The following CYLC2 variants were observed in gnomAD, a reference collection of about 807,000 sequenced individuals.
CYLC2 encodes the protein cylicin-2.
A neutral mutation model predicts 26.1 loss-of-function variants in CYLC2; 30 were observed. The ratio of observed to expected loss-of-function variants is 1.15; its 90% CI spans 0.86 to 1.56. The LOEUF is 1.56. CYLC2 is among the 40% of genes most tolerant of loss of function. CYLC2 has a pLI of 0.00. For missense variants in CYLC2, 498 were observed against 394.4 expected, an observed-to-expected ratio of 1.26 and a Z score of -2.23; for synonymous variants, 158 against 132.8, an observed-to-expected ratio of 1.19 and a Z score of -1.31.
rs1430657558 is a variant in CYLC2 at position 103,015,566 on chromosome 9, T to C, written c.*817-1322T>C. 2.8e-5 allele frequency among the ~76,000 whole-genome samples: 4 copies of C among 144,162 alleles called. No homozygotes were observed. The East Asian group carries it at 5.9e-4, about 21-fold the overall frequency. The allele number at this position is 144,162 out of a possible 152,430, so 94.6% of individuals were successfully genotyped here. On this transcript the variant is annotated intron_variant, in intron 6 of 7. Transcript: ENST00000374798. ...ATTATATATAAAATATATGTATATA[T>C]ACATAAAATAAATCTCCTTCAGCTA... is the stretch of plus-strand genomic sequence containing the variant.
At position 103,003,922 on chromosome 9, in the gene CYLC2, T is replaced by C. The variant is rs141523755; in HGVS notation, c.180+659T>C. 7.2e-4 allele frequency among the ~76,000 whole-genome samples: 110 copies of C among 152,244 alleles called. No individual in the cohort carries two copies. In the Middle Eastern group the frequency reaches 0.024, roughly 33 times the overall value. ...TTCTGGAGTCAACATGGGATAAGCA[T>C]ATGCTCAAAGAAAAGTTTTCACAAA... On this transcript the variant is annotated intron_variant, in intron 3 of 7. Transcript: ENST00000374798.
intron 5 of CYLC2, among the ~76,000 whole-genome samples, chr9:103,006,736 G>C (rs1034701581): frequency 6.6e-6 from 1 of 152,046 alleles, no homozygotes; most frequent in African/African-American, 2.4e-5. Flanking sequence ...TTTTAAGCCA[G>C]ATTGAATTAA....
At position 103,005,668 on chromosome 9, in the gene CYLC2, A is replaced by G; in HGVS notation, c.1037A>G (p.Lys346Arg). The G allele has an allele frequency of 6.2e-7, 1 of 1,606,892 alleles. No individual in the cohort carries two copies. The highest frequency in any genetic ancestry group is 8.5e-7 in the Non-Finnish European group (1 of 1,177,494). The change falls in exon 5 of 8, where the codon AAG becomes AGG. Residue 346 changes from lysine (K) to arginine (R), a missense_variant. Physicochemically the swap from Lys to Arg is conservative, Grantham distance 26. Transcript: ENST00000374798. ...KKDEKKDAKK[K>R]GK is the part of the protein sequence containing the mutation. ...GATGAAAAGAAGGATGCAAAGAAGAAGGGCAAGTAGGCCTTGGATAAGAAT... is the reference window on the plus strand; with the variant it reads ...GATGAAAAGAAGGATGCAAAGAAGAGGGGCAAGTAGGCCTTGGATAAGAAT...
In CYLC2 at chr9:103,005,414, G is replaced by T; in HGVS notation, c.783G>T (p.Lys261Asn). ...AAGGTGATGAATCGAAGGATGCCAA[G>T]AAAGATGCAAAGGAGATTAAAAAAG... ...ANKGDESKDAKKDAKEIKKGK... is the reference protein window; with the variant it reads ...ANKGDESKDANKDAKEIKKGK... Residue 261 changes from lysine to asparagine, a missense_variant, in exon 5 of 8, where the codon AAG becomes AAT. Lys to Asn is a moderately conservative substitution (Grantham distance 94). Coordinates refer to ENST00000374798, the MANE Select transcript of CYLC2 (RefSeq NM_001340.5). 6.2e-7 allele frequency: 1 copy of T among 1,613,794 alleles called. No homozygotes were observed. The highest frequency in any genetic ancestry group is 2.2e-5 in the East Asian group (1 of 44,864).
intron 6 of CYLC2, among the ~76,000 whole-genome samples, chr9:103,014,524 T>TGCAAAATACATCATATGTATATTAC (rs1829468370): frequency 1.7e-5 from 2 of 114,310 alleles, no homozygotes; most frequent in Non-Finnish European, 3.7e-5. Context: ...ACATAATATA[T>TGCAAAATACATCATATGTATATTAC]GCAATATACA....
At chr9:102,997,548 C>A (rs1829250119) in intron 1 of CYLC2, among the ~76,000 whole-genome samples, 1 of 151,890 alleles carries the variant, frequency 6.6e-6, no homozygotes, top group South Asian at 2.1e-4. Flanking sequence ...GCTCAGGCTG[C>A]AGTCAGTTCC....
At chr9:103,014,472 CATA>C (rs1475010136) in intron 6 of CYLC2, among the ~76,000 whole-genome samples, 13 of 135,210 alleles carry the variant, frequency 9.6e-5, no homozygotes, top group African/African-American at 3.2e-4. Context: ...ACGTAATATA[CATA>C]ATATGTATAT....
chr9:103,004,670 C>A, intron 3 of CYLC2, 25 bp from the exon 4 acceptor site: 4 of 1,533,964 alleles, frequency 2.6e-6, no homozygotes, highest in Non-Finnish European at 3.5e-6. Context: ...ACAAGTTGTT[C>A]ATCATTATTG....
Position 103,004,761 on chromosome 9 carries a change from A to T in CYLC2, c.247A>T (p.Arg83Ter). The change falls in exon 4 of 8, where the codon AGA (arginine) becomes TGA (stop). Residue 83 changes from arginine (R) to a stop codon, truncating the protein, a stop_gained. Coordinates refer to ENST00000374798, the MANE Select transcript of CYLC2 (RefSeq NM_001340.5). LOFTEE classifies it high-confidence loss of function. The part of the protein sequence containing the change: ...QPLWMYRSLM[R>*]ISERPSVYLA... ...ATTATGGATGTACCGTTCTTTAATG[A>T]GAATTTCTGAGAGACCATCTGTTTA... The T allele has an allele frequency of 6.2e-7, 1 of 1,611,902 alleles. No homozygotes were observed. The highest frequency in any genetic ancestry group is 8.5e-7 in the Non-Finnish European group (1 of 1,178,756).
At chr9:103,007,783 T>A (rs1157609815) in intron 5 of CYLC2, among the ~76,000 whole-genome samples, 1 of 152,144 alleles carries the variant, frequency 6.6e-6, no homozygotes, top group Non-Finnish European at 1.5e-5. Context: ...ATAAAGCTTC[T>A]CTTGGACATT....
rs1207271327 is a variant in CYLC2, at chr9:103,005,380, A to G, written c.749A>G (p.Asp250Gly). 4.3e-6 allele frequency: 7 copies of G among 1,613,894 alleles called. No individual in the cohort carries two copies. The African/African-American group carries it at 8.0e-5, about 18-fold the overall frequency. ...DEKKDEDGKK[D>G]ANKGDESKDA... ...AAGAAGGATGAGGATGGAAAAAAAG[A>G]TGCAAACAAAGGTGATGAATCGAAG... Residue 250 changes from aspartate (D) to glycine (G), a missense_variant, in exon 5 of 8, where the codon GAT (aspartate) becomes GGT (glycine). Transcript: ENST00000374798.
chr9:102,998,764 C>A (rs1304366793), intron 1 of CYLC2, among the ~76,000 whole-genome samples: 1 of 151,858 alleles, frequency 6.6e-6, no homozygotes, highest in Non-Finnish European at 1.5e-5. Context: ...ATGACAGATT[C>A]CAGTCAATCC....
intron 1 of CYLC2, among the ~76,000 whole-genome samples, chr9:102,995,869 C>T (rs1327595246): frequency 2.0e-5 from 3 of 151,794 alleles, no homozygotes; most frequent in Non-Finnish European, 4.4e-5. Context: ...CAACTGAATA[C>T]TAGTGGTATC....
In CYLC2 at chr9:103,016,908, T is replaced by C. The variant is rs957275389; in HGVS notation, c.*837T>C. On this transcript the variant is annotated 3_prime_UTR_variant, in exon 7 of 8. Coordinates refer to ENST00000374798, the MANE Select transcript of CYLC2 (RefSeq NM_001340.5). ...GAAAGGGAAGGAAAATAGCTGGCAT[T>C]TCTTGCTGGAGAAAGTTATCACAAG... The C allele has an allele frequency of 1.3e-5, 2 of 152,022 alleles. No homozygotes were observed. Among genetic ancestry groups the C allele is most frequent in the African/African-American group, 2.4e-5 (1 of 41,448 alleles). 9.4% of individuals were successfully genotyped at this position (152,022 alleles called of 1,614,324 possible).
chr9:103,002,464 C>G (rs374772390), intron 2 of CYLC2, among the ~76,000 whole-genome samples: 38 of 144,278 alleles, frequency 2.6e-4, no homozygotes, highest in African/African-American at 8.9e-4. Flanking sequence ...CTCCTGGGTT[C>G]ACACCATTCT....
intron 3 of CYLC2, among the ~76,000 whole-genome samples, chr9:103,004,454 G>A (rs892823018): frequency 3.9e-5 from 6 of 151,956 alleles, no homozygotes; most frequent in Non-Finnish European, 7.4e-5. Flanking sequence ...CTAAAATCCC[G>A]AGGGAGCTAT....
At position 103,017,242 on chromosome 9, in the gene CYLC2, T is replaced by G. The variant is rs186131093; in HGVS notation, c.*890+281T>G. 5.3e-5 allele frequency among the ~76,000 whole-genome samples: 8 copies of G among 152,020 alleles called. No individual in the cohort carries two copies. The East Asian group carries it at 1.2e-3, about 22-fold the overall frequency. On this transcript the variant is annotated intron_variant, in intron 7 of 7. Coordinates refer to ENST00000374798, the MANE Select transcript of CYLC2 (RefSeq NM_001340.5). Reference sequence around the variant, plus strand: ...GAGAAGAAAGCTTAAAAATGAAAATTATTAGAATATGTCCTAGTAACACCC... The same window carrying G: ...GAGAAGAAAGCTTAAAAATGAAAATGATTAGAATATGTCCTAGTAACACCC...
At position 103,003,126 on chromosome 9, in the gene CYLC2, G is replaced by T; in HGVS notation, c.59-16G>T. ...CTATTCACTCCAAAATGTGTTTTTT[G>T]TCTCCCTTATTTTAGTCAGTGAATT... On this transcript the variant is annotated splice_polypyrimidine_tract_variant and intron_variant, in intron 2 of 7. Coordinates refer to ENST00000374798, the MANE Select transcript of CYLC2 (RefSeq NM_001340.5). The T allele has an allele frequency of 6.2e-7, 1 of 1,609,942 alleles. No individual in the cohort carries two copies. The highest frequency in any genetic ancestry group is 8.5e-7 in the Non-Finnish European group (1 of 1,178,566).
chr9:103,015,389 A>ATG lies in CYLC2; in HGVS notation c.*817-1498_*817-1497insGT, dbSNP rs1230782130. 6.4e-5 allele frequency among the ~76,000 whole-genome samples: 4 copies of ATG among 62,646 alleles called. No homozygotes were observed. In the Admixed American group the frequency reaches 7.4e-4, roughly 12 times the overall value. The allele number at this position is 62,646 out of a possible 152,430, so 41.1% of individuals were successfully genotyped here. On this transcript the variant is annotated intron_variant, in intron 6 of 7. Transcript: ENST00000374798. ...TTATATAATGTAATATATATTAAATATATATATATGCTTATTATATATTAT... is the reference window on the plus strand; with the variant it reads ...TTATATAATGTAATATATATTAAATATGTATATATATGCTTATTATATATTAT...
Sources: allele counts gnomAD v4.1 joint callset (sites outside exome capture counted in the v4.1 genomes callset), GRCh38; gene constraint gnomAD v4.1.1; transcripts MANE v1.5; gene names NCBI Gene and HGNC (gene_info 2026-07-23, HGNC 2026-07-21).